The following BARHL1 variants were observed in gnomAD, a reference collection of about 807,000 sequenced individuals.
BARHL1 encodes the protein barH-like 1 homeobox protein.
BARHL1 carries 2 observed loss-of-function variants against 20.1 expected under a neutral mutation model. The ratio of observed to expected loss-of-function variants is 0.10; its 90% CI spans 0.04 to 0.31. The LOEUF is 0.31. BARHL1 is among the 10% of genes least tolerant of loss of function. The probability of loss-of-function intolerance (pLI) is 1.00; values close to 1 mark genes in which losing one functional copy is unlikely to be tolerated. For synonymous variants in BARHL1, 213 were observed against 209.9 expected, an observed-to-expected ratio of 1.01 and a Z score of -0.13; for missense variants, 397 against 454.0, an observed-to-expected ratio of 0.87 and a Z score of 1.14.
chr9:132,590,222 T>C lies in BARHL1; in HGVS notation c.*700T>C, dbSNP rs961944299. ...CCAGGCCTCTCGGGTTCTCTCTTTTTTAAATGTCGAAATAAACTTCTTACA... is the reference window on the plus strand; with the variant it reads ...CCAGGCCTCTCGGGTTCTCTCTTTTCTAAATGTCGAAATAAACTTCTTACA... On this transcript the variant is annotated 3_prime_UTR_variant, in exon 3 of 3. Coordinates refer to ENST00000263610, the MANE Select transcript of BARHL1 (RefSeq NM_020064.4). 3.9e-5 allele frequency: 6 copies of C among 152,256 alleles called. No individual in the cohort carries two copies. The highest frequency in any genetic ancestry group is 1.4e-4 in the African/African-American group (6 of 41,456). 9.4% of individuals were successfully genotyped at this position (152,256 alleles called of 1,614,324 possible).
rs1405674536 is a variant in BARHL1 at position 132,587,236 on chromosome 9, G to A, written c.467-93G>A. 8.1e-7 allele frequency: 1 copy of A among 1,235,392 alleles called. No homozygotes were observed. Among genetic ancestry groups the A allele is most frequent in the Non-Finnish European group, 1.1e-6 (1 of 889,082 alleles). The allele number at this position is 1,235,392 out of a possible 1,614,324, so 76.5% of individuals were successfully genotyped here. A position where few individuals can be genotyped will look rare whatever the true frequency, so the allele number is the denominator to read the frequency against. On this transcript the variant is annotated intron_variant, in intron 1 of 2. Coordinates refer to ENST00000263610, the MANE Select transcript of BARHL1 (RefSeq NM_020064.4). The surrounding 1 kb of genome is among the most constrained non-coding windows in gnomAD (Gnocchi z 5.5). ...TGGGTGTCGCGGAACCACCGCTGTC[G>A]GAAGCCGAGGTTACACAAACGCCAC...
rs1830094697 is a variant in BARHL1 at position 132,583,223 on chromosome 9, C to CA, written c.430dup (p.Ser144LysfsTer10). 1.2e-6 allele frequency: 2 copies of CA among 1,612,654 alleles called. No individual in the cohort carries two copies. Among genetic ancestry groups the CA allele is most frequent in the Non-Finnish European group, 1.7e-6 (2 of 1,179,498 alleles). On this transcript the variant is annotated frameshift_variant, in exon 1 of 3. Coordinates refer to ENST00000263610, the MANE Select transcript of BARHL1 (RefSeq NM_020064.4). LOFTEE classifies it high-confidence loss of function. ...CGGAGGACTTTAGAGACAAGCTGGA[C>CA]AAAAGTGGCAGCAACGCCTCATCGG...
intron 1 of BARHL1, 105 bp downstream of exon 1, chr9:132,583,368 C>T (rs1830096545): frequency 2.0e-6 from 2 of 1,019,852 alleles, no homozygotes; most frequent in South Asian, 3.3e-5. Flanking sequence ...CCTGGGGGCT[C>T]CCCCAGGGCT....
intron 1 of BARHL1, among the ~76,000 whole-genome samples, chr9:132,585,182 A>AG: frequency 6.6e-6 from 1 of 152,286 alleles, no homozygotes; most frequent in East Asian, 1.9e-4. Flanking sequence ...TTTGGAGCGA[A>AG]GGGGGTAGAA....
At position 132,587,081 on chromosome 9, in the gene BARHL1, G is replaced by A. The variant is rs373681675; in HGVS notation, c.467-248G>A. On this transcript the variant is annotated intron_variant, in intron 1 of 2. Coordinates refer to ENST00000263610, the MANE Select transcript of BARHL1 (RefSeq NM_020064.4). The surrounding 1 kb of genome is among the most constrained non-coding windows in gnomAD (Gnocchi z 5.5). ...GGACTGGAGTTCTCGCCAGCTTCGGGTTCTTTCTCCCCGGAGCTGCCCGGG... is the reference window on the plus strand; with the variant it reads ...GGACTGGAGTTCTCGCCAGCTTCGGATTCTTTCTCCCCGGAGCTGCCCGGG... Among the ~76,000 whole-genome samples the A allele has an allele frequency of 4.2e-4, 64 of 152,346 alleles. 1 individual carries two copies. The South Asian group carries it at 0.012, about 28-fold the overall frequency.
At chr9:132,589,122 C>T in intron 2 of BARHL1, 106 bp from the exon 3 acceptor site, 2 of 1,474,292 alleles carry the variant, frequency 1.4e-6, no homozygotes, top group South Asian at 1.5e-5. Flanking sequence ...GAGTACGATC[C>T]CTCTTGGCCT....
At chr9:132,583,784 T>C (rs1830100431) in intron 1 of BARHL1, among the ~76,000 whole-genome samples, 1 of 152,168 alleles carries the variant, frequency 6.6e-6, no homozygotes, top group Admixed American at 6.5e-5. Flanking sequence ...CCCAGTGTGA[T>C]CCGGGTTCTG....
At position 132,587,376 on chromosome 9, in the gene BARHL1, C is replaced by T. The variant is rs772992679; in HGVS notation, c.514C>T (p.Pro172Ser). ...REISSSRDSP[P>S]VRLKKPRKAR... ...GATCTCCAGCTCCAGGGACAGTCCC[C>T]CGGTGCGCCTGAAAAAGCCACGCAA... The change falls in exon 2 of 3, where the codon CCG becomes TCG. Residue 172 changes from proline (P) to serine (S), a missense_variant. Physicochemically the swap from Pro to Ser is moderately conservative, Grantham distance 74 (BLOSUM62 -1). Around this residue, in one of 3 missense-constraint regions of BARHL1, gnomAD observed 272 missense variants for 298.7 expected, o/e 0.91. Coordinates refer to ENST00000263610, the MANE Select transcript of BARHL1 (RefSeq NM_020064.4). This position sits in a 1 kb window ranked among gnomAD's most constrained non-coding sequence, Gnocchi z 5.5. 2 of 1,611,492 alleles carry T rather than the reference C, an allele frequency of 1.2e-6. No homozygotes were observed. Among genetic ancestry groups the T allele is most frequent in the Admixed American group, 1.7e-5 (1 of 59,858 alleles).
At chr9:132,586,527 C>G (rs1038733387) in intron 1 of BARHL1, among the ~76,000 whole-genome samples, 3 of 152,248 alleles carry the variant, frequency 2.0e-5, no homozygotes, top group Non-Finnish European at 4.4e-5. Context: ...AATTCTGTCC[C>G]GACTGTGGGG....
intron 1 of BARHL1, among the ~76,000 whole-genome samples, chr9:132,583,520 G>A (rs1830098673): frequency 1.3e-5 from 2 of 152,204 alleles, no homozygotes; most frequent in South Asian, 4.1e-4. Context: ...AATGCACAAA[G>A]CAAACTTTCT....
chr9:132,587,939 G>A lies in BARHL1; in HGVS notation c.689+388G>A, dbSNP rs1013915517. On this transcript the variant is annotated intron_variant, in intron 2 of 2. Transcript: ENST00000263610. This position sits in a 1 kb window ranked among gnomAD's most constrained non-coding sequence, Gnocchi z 5.5. ...GGGTGACAGTCTTGATGCCCAGGAA[G>A]CCTGTGAAGAGGACGGCCAGGCAGT... Among the ~76,000 whole-genome samples, 52 of 152,346 alleles carry A rather than the reference G, an allele frequency of 3.4e-4. No individual in the cohort carries two copies. The highest frequency in any genetic ancestry group is 1.2e-3 in the African/African-American group (51 of 41,578).
chr9:132,586,485 T>C (rs562123470), intron 1 of BARHL1, among the ~76,000 whole-genome samples: 1 of 152,390 alleles, frequency 6.6e-6, no homozygotes, highest in Non-Finnish European at 1.5e-5. Context: ...GCCAGGTCTA[T>C]CCTTCGACCT....
In BARHL1 at chr9:132,585,572, GT is replaced by G. The variant is rs1237142755; in HGVS notation, c.467-1755del. Reference sequence around the variant, plus strand: ...CAGGGAGAACCCAAACCAGAGTTTTGTTCCCAGCAGGCAGGGTCGGTGAATG... The same window carrying G: ...CAGGGAGAACCCAAACCAGAGTTTTGTCCCAGCAGGCAGGGTCGGTGAATG... On this transcript the variant is annotated intron_variant, in intron 1 of 2. Coordinates refer to ENST00000263610, the MANE Select transcript of BARHL1 (RefSeq NM_020064.4). Among the ~76,000 whole-genome samples the G allele has an allele frequency of 2.0e-5, 3 of 152,210 alleles. No individual in the cohort carries two copies. In the East Asian group the frequency reaches 5.8e-4, roughly 29 times the overall value.
Position 132,589,587 on chromosome 9 carries a change from G to T in BARHL1, c.*65G>T, listed in dbSNP as rs886309801. ...CGTGGCCCCTTCCGCCCGCCTTTCTGAGGGCGCAGGTTCGACGCCCTTTCC... is the reference window on the plus strand; with the variant it reads ...CGTGGCCCCTTCCGCCCGCCTTTCTTAGGGCGCAGGTTCGACGCCCTTTCC... On this transcript the variant is annotated 3_prime_UTR_variant, in exon 3 of 3. Coordinates refer to ENST00000263610, the MANE Select transcript of BARHL1 (RefSeq NM_020064.4). 13 of 1,239,898 alleles carry T rather than the reference G, an allele frequency of 1.0e-5. No individual in the cohort carries two copies. Among genetic ancestry groups the T allele is most frequent in the Non-Finnish European group, 1.3e-5 (13 of 995,774 alleles). 76.8% of individuals were successfully genotyped at this position (1,239,898 alleles called of 1,614,324 possible). A position where few individuals can be genotyped will look rare whatever the true frequency, so the allele number is the denominator to read the frequency against.
intron 1 of BARHL1, among the ~76,000 whole-genome samples, chr9:132,583,595 C>G (rs1830099376): frequency 6.6e-6 from 1 of 152,214 alleles, no homozygotes; most frequent in Non-Finnish European, 1.5e-5. Flanking sequence ...CCCAATCAGG[C>G]CAGTGGCTCT....
Position 132,589,483 on chromosome 9 carries a change from C to G in BARHL1, c.945C>G (p.Pro315=), listed in dbSNP as rs550911455. The stretch of plus-strand genomic sequence containing the variant: ...GCGAGCCGCCCCCGCCGCTGCCCCC[C>G]CTGGCCGGCGTCCTCCCACGCGCCG... ...GASEPPPPLP[P]LAGVLPRAAQ... is the part of the protein sequence containing the mutation. Residue 315 remains proline (P), a synonymous_variant, in exon 3 of 3, where the codon CCC becomes CCG. Transcript: ENST00000263610. 259 of 1,482,198 alleles carry G rather than the reference C, an allele frequency of 1.7e-4. No homozygotes were observed. The highest frequency in any genetic ancestry group is 1.6e-3 in the Middle Eastern group (8 of 5,076). 91.8% of individuals were successfully genotyped at this position (1,482,198 alleles called of 1,614,324 possible). A position where few individuals can be genotyped will look rare whatever the true frequency, so the allele number is the denominator to read the frequency against.
rs1830085972 is a variant in BARHL1, at chr9:132,582,626, A to T, written c.-172A>T. On this transcript the variant is annotated 5_prime_UTR_variant, in exon 1 of 3. Coordinates refer to ENST00000263610, the MANE Select transcript of BARHL1 (RefSeq NM_020064.4). ...GAGCCCTTTTGGATCTAATGCGCAG[A>T]GGAGGTTGGCCCAGAGCTCCCGGGC... 2 of 607,686 alleles carry T rather than the reference A, an allele frequency of 3.3e-6. No homozygotes were observed. Among genetic ancestry groups the T allele is most frequent in the Admixed American group, 6.0e-5 (2 of 33,388 alleles). 37.6% of individuals were successfully genotyped at this position (607,686 alleles called of 1,614,324 possible). A position where few individuals can be genotyped will look rare whatever the true frequency, so the allele number is the denominator to read the frequency against.
At chr9:132,586,509 C>G (rs1830145691) in intron 1 of BARHL1, among the ~76,000 whole-genome samples, 1 of 152,256 alleles carries the variant, frequency 6.6e-6, no homozygotes, top group African/African-American at 2.4e-5. Flanking sequence ...GAGCTGGGCC[C>G]CCGGTGTAAT....
Position 132,587,575 on chromosome 9 carries a change from A to G in BARHL1, c.689+24A>G. On this transcript the variant is annotated intron_variant, in intron 2 of 2. Transcript: ENST00000263610. This position sits in a 1 kb window ranked among gnomAD's most constrained non-coding sequence, Gnocchi z 5.5. ...AGGTGAGGCCTGGCTGCGGGGGTAG[A>G]GGCAGAAAGGGAACTTCCCCTTTCC... 2 of 1,582,246 alleles carry G rather than the reference A, an allele frequency of 1.3e-6. 1 individual carries two copies. The highest frequency in any genetic ancestry group is 3.6e-4 in the Middle Eastern group (2 of 5,588).
Sources: gnomAD v4.1 joint callset for allele counts (sites outside exome capture counted in the v4.1 genomes callset) on GRCh38, gnomAD v4.1.1 for gene constraint, gnomAD v4.1.1 regional missense constraint, Gnocchi (gnomAD v3.1) non-coding constraint, MANE v1.5 for transcripts, NCBI Gene and HGNC (gene_info 2026-07-23, HGNC 2026-07-21) for gene names.